CST5: variants seen among roughly 807,000 people sequenced by gnomAD.
The protein encoded by CST5 is cystatin-D.
Under a neutral mutation model 11.5 loss-of-function variants are expected in CST5, and 13 were observed. The ratio of observed to expected loss-of-function variants is 1.13; its 90% CI spans 0.73 to 1.79. The LOEUF (loss-of-function observed/expected upper bound fraction) is 1.79, where lower values mean the gene tolerates loss of function less well. CST5 is among the 40% of genes most tolerant of loss of function. CST5 has a pLI of 0.00. For missense variants in CST5, 219 were observed against 174.5 expected, an observed-to-expected ratio of 1.25 and a Z score of -1.44; for synonymous variants, 81 against 67.6, an observed-to-expected ratio of 1.20 and a Z score of -0.97.
rs114473641 is a variant in CST5 at position 23,876,544 on chromosome 20, C to T, written c.346-273G>A. 7.8e-3 allele frequency among the ~76,000 whole-genome samples: 1,194 copies of T among 152,320 alleles called. 15 individuals are homozygous for T. Among genetic ancestry groups the T allele is most frequent in the African/African-American group, 0.028 (1,144 of 41,576 alleles). On this transcript the variant is annotated intron_variant, in intron 2 of 2. Transcript: ENST00000304710. The stretch of plus-strand genomic sequence containing the variant: ...CCAGCGCAGCCCTATGAGGAGCAGC[C>T]TGTGCAAGGCCTTGGGAGCCTCAGG...
chr20:23,877,029 C>T (rs892421577), intron 2 of CST5, among the ~76,000 whole-genome samples: 1 of 152,102 alleles, frequency 6.6e-6, no homozygotes, highest in African/African-American at 2.4e-5. Flanking sequence ...AATTCATCAC[C>T]CCTATCCACA....
In CST5 at chr20:23,879,702, G is replaced by A. The variant is rs1395068164; in HGVS notation, c.-26C>T. ...GTTCTACTGGGACACAGAGCAAGGA[G>A]CTGGATCTCCCAGAGAGCAAAGCAG... On this transcript the variant is annotated 5_prime_UTR_variant, in exon 1 of 3. Coordinates refer to ENST00000304710, the MANE Select transcript of CST5 (RefSeq NM_001900.5). The A allele has an allele frequency of 1.3e-6, 2 of 1,599,570 alleles. No homozygotes were observed. Among genetic ancestry groups the A allele is most frequent in the Non-Finnish European group, 1.7e-6 (2 of 1,169,240 alleles).
chr20:23,877,093 C>G (rs982947724), intron 2 of CST5, among the ~76,000 whole-genome samples: 7 of 152,102 alleles, frequency 4.6e-5, no homozygotes, highest in African/African-American at 1.7e-4. Context: ...CAACCCTCAC[C>G]CAAACGAATA....
In CST5 at chr20:23,876,139, A is replaced by G. The variant is rs372937441; in HGVS notation, c.*49T>C. 7 of 1,470,774 alleles carry G rather than the reference A, an allele frequency of 4.8e-6. No individual in the cohort carries two copies. In the African/African-American group the frequency reaches 8.4e-5, roughly 18 times the overall value. The allele number at this position is 1,470,774 out of a possible 1,614,324, so 91.1% of individuals were successfully genotyped here. ...ACCAGTCCAGGGGTGGGAGCACTACAGGGGGTGGGAGTAGGAGGTGGTCAG... is the reference window on the plus strand; with the variant it reads ...ACCAGTCCAGGGGTGGGAGCACTACGGGGGGTGGGAGTAGGAGGTGGTCAG... On this transcript the variant is annotated 3_prime_UTR_variant, in exon 3 of 3. Transcript: ENST00000304710.
At chr20:23,876,340 G>A (rs1413751991) in intron 2 of CST5, 69 bp from the exon 3 acceptor site, 5 of 1,278,102 alleles carry the variant, frequency 3.9e-6, no homozygotes, top group Non-Finnish European at 5.7e-6. Context: ...CCAGGAATGG[G>A]ACATCAGAAT....
chr20:23,877,467 G>A (rs1164735224), intron 2 of CST5, 38 bp downstream of exon 2: 1 of 1,484,168 alleles, frequency 6.7e-7, no homozygotes, highest in African/African-American at 1.4e-5. Flanking sequence ...ACACTGCTCT[G>A]CGGTACTTGA....
chr20:23,876,281 G>A lies in CST5; in HGVS notation c.346-10C>T. The A allele has an allele frequency of 6.2e-7, 1 of 1,601,776 alleles. No individual in the cohort carries two copies. The highest frequency in any genetic ancestry group is 8.6e-7 in the Non-Finnish European group (1 of 1,169,056). Reference sequence around the variant, plus strand: ...AAGAGCAGAACTCTTCCTGTGAAAAGAAAGAGATGGAGAAAATGACTGTGG... The same window carrying A: ...AAGAGCAGAACTCTTCCTGTGAAAAAAAAGAGATGGAGAAAATGACTGTGG... On this transcript the variant is annotated splice_polypyrimidine_tract_variant and intron_variant, in intron 2 of 2. Transcript: ENST00000304710.
At chr20:23,877,427 GCACACACACATA>G in intron 2 of CST5, 66 bp downstream of exon 2, 1 of 1,116,612 alleles carries the variant, frequency 9.0e-7, no homozygotes, top group Non-Finnish European at 1.4e-6. Context: ...ACAGATGCGT[GCACACACACATA>G]CACACACACA....
rs930337528 is a variant in CST5, at chr20:23,879,414, C to G, written c.231+32G>C. On this transcript the variant is annotated intron_variant, in intron 1 of 2. Coordinates refer to ENST00000304710, the MANE Select transcript of CST5 (RefSeq NM_001900.5). ...GGTGAGGCAAAAAACCCAGCTGGGA[C>G]TCAGGACCCCCAGGGTGGTGGTAGC... is the stretch of plus-strand genomic sequence containing the variant. The G allele has an allele frequency of 1.0e-5, 16 of 1,579,084 alleles. No individual in the cohort carries two copies. The African/African-American group carries it at 2.0e-4, about 20-fold the overall frequency.
rs1255437886 is a variant in CST5 at position 23,876,031 on chromosome 20, C to A, written c.*157G>T. The stretch of plus-strand genomic sequence containing the variant: ...GAAGGAGCAAGGGCAGAGCCTCCTG[C>A]TGAGCAACAAAGGCCTCCTGCCACC... On this transcript the variant is annotated 3_prime_UTR_variant, in exon 3 of 3. Coordinates refer to ENST00000304710, the MANE Select transcript of CST5 (RefSeq NM_001900.5). 3.4e-6 allele frequency: 2 copies of A among 588,838 alleles called. No individual in the cohort carries two copies. Among genetic ancestry groups the A allele is most frequent in the Non-Finnish European group, 6.1e-6 (2 of 328,006 alleles). The allele number at this position is 588,838 out of a possible 1,614,324, so 36.5% of individuals were successfully genotyped here.
Position 23,879,744 on chromosome 20 carries a change from G to A in CST5, c.-68C>T. On this transcript the variant is annotated 5_prime_UTR_variant, in exon 1 of 3. Transcript: ENST00000304710. ...GCAAAGCAGCAGAAGGCTGAGGCAG[G>A]AAGCCCAGGCCAGAAGCTAGCTGTG... The A allele has an allele frequency of 6.7e-7, 1 of 1,497,934 alleles. No individual in the cohort carries two copies. Among genetic ancestry groups the A allele is most frequent in the Middle Eastern group, 1.8e-4 (1 of 5,680 alleles). 92.8% of individuals were successfully genotyped at this position (1,497,934 alleles called of 1,614,324 possible).
Position 23,876,010 on chromosome 20 carries a change from G to A in CST5, c.*178C>T. The A allele has an allele frequency of 3.7e-6, 2 of 546,404 alleles. No individual in the cohort carries two copies. Among genetic ancestry groups the A allele is most frequent in the South Asian group, 2.6e-5 (1 of 38,032 alleles). The allele number at this position is 546,404 out of a possible 1,614,324, so 33.8% of individuals were successfully genotyped here. ...GGGGCTATGAGAAGCAAGAAGGAAGGAGCAAGGGCAGAGCCTCCTGCTGAG... is the reference window on the plus strand; with the variant it reads ...GGGGCTATGAGAAGCAAGAAGGAAGAAGCAAGGGCAGAGCCTCCTGCTGAG... On this transcript the variant is annotated 3_prime_UTR_variant, in exon 3 of 3. Coordinates refer to ENST00000304710, the MANE Select transcript of CST5 (RefSeq NM_001900.5).
At chr20:23,877,440 C>T (rs913755860) in intron 2 of CST5, 65 bp downstream of exon 2, 4 of 1,070,272 alleles carry the variant, frequency 3.7e-6, no homozygotes, top group Non-Finnish European at 5.6e-6. Flanking sequence ...CACACACATA[C>T]ACACACACAC....
intron 2 of CST5, among the ~76,000 whole-genome samples, chr20:23,876,665 A>T (rs1305080147): frequency 6.6e-6 from 1 of 152,208 alleles, no homozygotes; most frequent in Non-Finnish European, 1.5e-5. Flanking sequence ...GAACCCAGGG[A>T]ACTGGAAATT....
chr20:23,879,375 G>A, intron 1 of CST5, 71 bp downstream of exon 1: 1 of 1,079,932 alleles, frequency 9.3e-7, no homozygotes. Flanking sequence ...TGATTTGCTG[G>A]GAGTGCTCTG....
intron 2 of CST5, among the ~76,000 whole-genome samples, chr20:23,876,868 G>A (rs556670059): frequency 1.3e-5 from 2 of 152,104 alleles, no homozygotes; most frequent in African/African-American, 2.4e-5. Context: ...CTGCAGGCAG[G>A]TGCCTGAGGC....
At chr20:23,879,137 A>G (rs1986027311) in intron 1 of CST5, among the ~76,000 whole-genome samples, 1 of 152,134 alleles carries the variant, frequency 6.6e-6, no homozygotes, top group South Asian at 2.1e-4. Flanking sequence ...TCTCATCCTG[A>G]GCAGCATCAA....
intron 1 of CST5, among the ~76,000 whole-genome samples, chr20:23,878,350 C>A (rs962515261): frequency 2.0e-5 from 3 of 152,134 alleles, no homozygotes; most frequent in Non-Finnish European, 4.4e-5. Context: ...CAGAAGAGAA[C>A]TGAATGCTTT....
chr20:23,877,422 T>A, intron 2 of CST5, 83 bp downstream of exon 2: 2 of 1,053,480 alleles, frequency 1.9e-6, no homozygotes, highest in Non-Finnish European at 2.9e-6. Flanking sequence ...GGAGTACAGA[T>A]GCGTGCACAC....
Sources: gnomAD v4.1 joint callset for allele counts (sites outside exome capture counted in the v4.1 genomes callset) on GRCh38, gnomAD v4.1.1 for gene constraint, MANE v1.5 for transcripts, NCBI Gene and HGNC (gene_info 2026-07-23, HGNC 2026-07-21) for gene names.